The following CSMD1 variants were observed in gnomAD, a reference collection of about 807,000 sequenced individuals.
CSMD1 encodes CUB and Sushi multiple domains 1, also known as CUB and sushi domain-containing protein 1.
CSMD1 carries 213 observed loss-of-function variants against 417.5 expected under a neutral mutation model. The observed-to-expected ratio is 0.51, with a 90% CI of 0.46 to 0.57. The LOEUF is 0.57. Ranked by LOEUF, CSMD1 falls within the 20% of genes least tolerant of loss-of-function variation. CSMD1 has a pLI of 0.00. For synonymous variants in CSMD1, 2,862 were observed against 1,736.8 expected (o/e 1.65, Z -16.11); for missense variants, 6,923 against 4,529.7 (o/e 1.53, Z -15.17).
At chr8:2,941,113 A>T (rs187626265) in intron 69 of CSMD1, among the ~76,000 whole-genome samples, 1 of 152,322 alleles carries the variant, frequency 6.6e-6, no homozygotes, top group Non-Finnish European at 1.5e-5. Context: ...TTCTCTTCCA[A>T]AAAATTAACA....
At chr8:3,079,109 T>C (rs77738292) in intron 49 of CSMD1, among the ~76,000 whole-genome samples, 4,754 of 152,284 alleles carry the variant, frequency 0.031, 100 homozygotes, top group African/African-American at 0.063. Flanking sequence ...GCAACTGCAC[T>C]GCACAGTACT....
At chr8:3,175,361 A>G (rs1283197412) in intron 37 of CSMD1, among the ~76,000 whole-genome samples, 1 of 152,156 alleles carries the variant, frequency 6.6e-6, no homozygotes, top group Non-Finnish European at 1.5e-5. Flanking sequence ...TTCAGAATAT[A>G]TTGTAAATGT....
At chr8:2,982,735 G>A (rs1029908124) in intron 54 of CSMD1, among the ~76,000 whole-genome samples, 1 of 152,188 alleles carries the variant, frequency 6.6e-6, no homozygotes, top group African/African-American at 2.4e-5. Context: ...AGGAAGCAAG[G>A]TGTGCTCCAC....
intron 1 of CSMD1, among the ~76,000 whole-genome samples, chr8:4,886,002 CTT>C (rs1803714738): frequency 5.8e-5 from 3 of 52,132 alleles, no homozygotes; most frequent in Non-Finnish European, 1.4e-4. Context: ...TATTTATTTA[CTT>C]ATTTGAGACA....
intron 5 of CSMD1, among the ~76,000 whole-genome samples, chr8:3,880,457 T>C (rs931496163): frequency 6.6e-6 from 1 of 152,238 alleles, no homozygotes; most frequent in African/African-American, 2.4e-5. Context: ...ATTTTAATTC[T>C]TGAGATATCT....
At chr8:3,320,673 C>T (rs1034404097) in intron 23 of CSMD1, among the ~76,000 whole-genome samples, 1 of 152,186 alleles carries the variant, frequency 6.6e-6, no homozygotes, top group South Asian at 2.1e-4. Context: ...AGCGCAGTTC[C>T]TCCTTTTCCA....
intron 2 of CSMD1, among the ~76,000 whole-genome samples, chr8:4,530,406 C>A (rs1276335602): frequency 7.5e-6 from 1 of 133,534 alleles, no homozygotes. Flanking sequence ...ATACATTTGC[C>A]ATGGTGGTTT....
At chr8:3,881,612 A>AC (rs1806208742) in intron 5 of CSMD1, among the ~76,000 whole-genome samples, 2 of 145,326 alleles carry the variant, frequency 1.4e-5, no homozygotes, top group African/African-American at 5.4e-5. Context: ...CCATCTCAAA[A>AC]AAAAAAAAAA....
chr8:3,378,108 T>C (rs555631612), intron 18 of CSMD1, among the ~76,000 whole-genome samples: 2 of 152,242 alleles, frequency 1.3e-5, no homozygotes, highest in Non-Finnish European at 2.9e-5. Flanking sequence ...TGTTTGATTG[T>C]TGGTAAGAAG....
chr8:3,609,942 C>T (rs560080073), intron 8 of CSMD1, among the ~76,000 whole-genome samples: 1 of 148,056 alleles, frequency 6.8e-6, no homozygotes, highest in Non-Finnish European at 1.5e-5. Context: ...GCTGGGACTA[C>T]GGGCGCACAC....
At chr8:4,408,811 C>A (rs1488126688) in intron 3 of CSMD1, among the ~76,000 whole-genome samples, 2 of 152,050 alleles carry the variant, frequency 1.3e-5, no homozygotes, top group Non-Finnish European at 1.5e-5. Flanking sequence ...AAAAATAGCA[C>A]AATAAAGGGG....
At chr8:3,787,554 G>A (rs761747516) in intron 5 of CSMD1, among the ~76,000 whole-genome samples, 2 of 152,160 alleles carry the variant, frequency 1.3e-5, no homozygotes, top group Non-Finnish European at 2.9e-5. Flanking sequence ...GAATAGGTAA[G>A]AAGATACAGA....
intron 33 of CSMD1, among the ~76,000 whole-genome samples, chr8:3,193,273 G>T (rs1458309205): frequency 6.6e-6 from 1 of 152,144 alleles, no homozygotes; most frequent in African/African-American, 2.4e-5. Flanking sequence ...ATGAATTTCA[G>T]AGTGGTCTAT....
chr8:4,240,149 T>G (rs1374477358), intron 3 of CSMD1, among the ~76,000 whole-genome samples: 1 of 152,224 alleles, frequency 6.6e-6, no homozygotes, highest in African/African-American at 2.4e-5. Flanking sequence ...TAAACATTAT[T>G]TAATCCCAGA....
intron 26 of CSMD1, among the ~76,000 whole-genome samples, chr8:3,268,473 T>C (rs1462575414): frequency 6.6e-6 from 1 of 151,820 alleles, no homozygotes; most frequent in African/African-American, 2.4e-5. Flanking sequence ...GTATTTTTAG[T>C]AGAGACAGGG....
chr8:4,427,278 G>C (rs1276644370), intron 2 of CSMD1, among the ~76,000 whole-genome samples: 2 of 152,160 alleles, frequency 1.3e-5, no homozygotes, highest in African/African-American at 4.8e-5. Flanking sequence ...GAGTTATGTG[G>C]CCTTGGTGAG....
At chr8:3,421,975 C>G (rs1366794169) in intron 12 of CSMD1, among the ~76,000 whole-genome samples, 1 of 151,814 alleles carries the variant, frequency 6.6e-6, no homozygotes, top group Non-Finnish European at 1.5e-5. Context: ...CACAACCGGC[C>G]CCACAGATGG....
chr8:4,814,427 A>C (rs2117351240), intron 1 of CSMD1, among the ~76,000 whole-genome samples: 1 of 152,268 alleles, frequency 6.6e-6, no homozygotes, highest in South Asian at 2.1e-4. Context: ...TGTTATTTTT[A>C]GTAGAAACAC....
chr8:3,656,028 A>G (rs994557819), intron 7 of CSMD1, among the ~76,000 whole-genome samples: 1 of 152,170 alleles, frequency 6.6e-6, no homozygotes, highest in Non-Finnish European at 1.5e-5. Context: ...AAAGATGGAC[A>G]TCTCTCTGGG....
Sources: gnomAD v4.1 joint callset for allele counts (sites outside exome capture counted in the v4.1 genomes callset) on GRCh38, gnomAD v4.1.1 for gene constraint, MANE v1.5 for transcripts, NCBI Gene and HGNC (gene_info 2026-07-23, HGNC 2026-07-21) for gene names.